KIAA1671: variants seen among roughly 807,000 people sequenced by gnomAD.
The protein encoded by KIAA1671 is KIAA1671.
A neutral mutation model predicts 131.2 loss-of-function variants in KIAA1671; 52 were observed. The ratio of observed to expected loss-of-function variants is 0.40; its 90% CI spans 0.32 to 0.50. The LOEUF (loss-of-function observed/expected upper bound fraction) is 0.50. Among genes scored for constraint, KIAA1671 ranks in the 20% least tolerant of loss-of-function variants. The probability of loss-of-function intolerance (pLI) is 0.73; values close to 1 mark genes in which losing one functional copy is unlikely to be tolerated. For missense variants in KIAA1671, 2,360 were observed against 2,364.2 expected, an observed-to-expected ratio of 1.00 and a Z score of 0.04; for synonymous variants, 1,003 against 961.6, an observed-to-expected ratio of 1.04 and a Z score of -0.80.
At chr22:25,129,278 G>A (rs760709486) in intron 6 of KIAA1671, among the ~76,000 whole-genome samples, 17 of 152,270 alleles carry the variant, frequency 1.1e-4, no homozygotes, top group South Asian at 4.2e-4. Flanking sequence ...CAGCACTTTG[G>A]GAGGCGGATC....
intron 6 of KIAA1671, among the ~76,000 whole-genome samples, chr22:25,147,093 G>C (rs1264774259): frequency 1.3e-5 from 2 of 152,152 alleles, no homozygotes; most frequent in Non-Finnish European, 2.9e-5. Flanking sequence ...CCCCTTCCTT[G>C]CTCCTTGATC....
At chr22:25,068,090 G>A (rs1928579037) in intron 6 of KIAA1671, among the ~76,000 whole-genome samples, 1 of 152,272 alleles carries the variant, frequency 6.6e-6, no homozygotes, top group African/African-American at 2.4e-5. Flanking sequence ...GCTGTCCTCT[G>A]ACTGGTACTG....
chr22:25,037,729 A>G (rs111276961), intron 4 of KIAA1671, among the ~76,000 whole-genome samples: 3 of 152,114 alleles, frequency 2.0e-5, no homozygotes, highest in African/African-American at 7.2e-5. Flanking sequence ...ATATTTATAT[A>G]TATGCTGTAT....
At chr22:25,181,622 T>A in intron 9 of KIAA1671, 77 bp from the exon 10 acceptor site, 1 of 1,519,834 alleles carries the variant, frequency 6.6e-7, no homozygotes, top group Non-Finnish European at 8.9e-7. Flanking sequence ...TGAGATACTG[T>A]GTGCAAATTA....
intron 5 of KIAA1671, 171 bp from the exon 6 acceptor site, chr22:25,049,059 C>G (rs1927393040): frequency 1.3e-6 from 1 of 787,092 alleles, no homozygotes; most frequent in Non-Finnish European, 1.9e-6. Context: ...CCACTGGAAC[C>G]CAGAGCTACC....
intron 6 of KIAA1671, among the ~76,000 whole-genome samples, chr22:25,152,140 C>T (rs1180302300): frequency 1.1e-4 from 16 of 152,190 alleles, no homozygotes; most frequent in Admixed American, 9.8e-4. Flanking sequence ...CACTTTATTT[C>T]GTCAGGCCCT....
At chr22:25,131,237 A>G (rs983527609) in intron 6 of KIAA1671, among the ~76,000 whole-genome samples, 1 of 152,198 alleles carries the variant, frequency 6.6e-6, no homozygotes, top group African/African-American at 2.4e-5. Flanking sequence ...GGCCATGCTC[A>G]GGGAACACAC....
chr22:25,076,525 T>A (rs983032042), intron 6 of KIAA1671, among the ~76,000 whole-genome samples: 2 of 152,180 alleles, frequency 1.3e-5, no homozygotes, highest in Non-Finnish European at 2.9e-5. Flanking sequence ...ACCATCAAGC[T>A]TGGTGCTGGT....
intron 4 of KIAA1671, among the ~76,000 whole-genome samples, chr22:25,034,166 C>T (rs1235233793): frequency 6.6e-6 from 1 of 151,906 alleles, no homozygotes. Flanking sequence ...CTGCCTCAGC[C>T]TCCCGAGTAG....
chr22:25,191,837 G>T (rs956538940), intron 12 of KIAA1671, among the ~76,000 whole-genome samples: 1 of 152,168 alleles, frequency 6.6e-6, no homozygotes, highest in African/African-American at 2.4e-5. Flanking sequence ...TCCTAAGTCA[G>T]TGGTAAAACC....
At chr22:25,017,606 CTTGAAATGG>C (rs1435612115) in intron 1 of KIAA1671, among the ~76,000 whole-genome samples, 1 of 152,196 alleles carries the variant, frequency 6.6e-6, no homozygotes, top group Admixed American at 6.5e-5. Flanking sequence ...GCATTGTGAA[CTTGAAATGG>C]TTGAAATAGT....
rs79711393 is a variant in KIAA1671, at chr22:24,953,973, C to T, written c.-208+1201C>T. On this transcript the variant is annotated intron_variant, in intron 1 of 12. Coordinates refer to ENST00000358431, the MANE Select transcript of KIAA1671 (RefSeq NM_001145206.2). ...GACCCTCTGGGCAAAATGGGCTTGG[C>T]CTAGGATGGATCGGAATGAAGGGTA... Among the ~76,000 whole-genome samples the T allele has an allele frequency of 4.3e-3, 654 of 152,148 alleles. 2 individuals carry two copies. The highest frequency in any genetic ancestry group is 0.015 in the African/African-American group (616 of 41,524).
intron 6 of KIAA1671, among the ~76,000 whole-genome samples, chr22:25,093,746 C>CTCTCTG (rs1930181221): frequency 8.2e-6 from 1 of 121,342 alleles, no homozygotes; most frequent in African/African-American, 3.5e-5. Context: ...CACTCTCTCT[C>CTCTCTG]TCTCTCTCTC....
In KIAA1671 at chr22:25,134,927, G is replaced by A. The variant is rs1034556478; in HGVS notation, c.4531-35893G>A. On this transcript the variant is annotated intron_variant, in intron 6 of 12. Transcript: ENST00000358431. ...ATACAGGTAAAGCACTTAGCACCAT[G>A]TCACGTAGCAGACACTCTATACATG... Among the ~76,000 whole-genome samples, 7 of 152,256 alleles carry A rather than the reference G, an allele frequency of 4.6e-5. No homozygotes were observed. The East Asian group carries it at 1.3e-3, about 29-fold the overall frequency.
chr22:24,962,096 T>C (rs7284872), intron 1 of KIAA1671, among the ~76,000 whole-genome samples: 2,366 of 152,156 alleles, frequency 0.016, 60 homozygotes, highest in African/African-American at 0.053. Flanking sequence ...TGAGGGATGA[T>C]TGTCTTGATG....
intron 6 of KIAA1671, chr22:25,062,742 G>A: frequency 6.6e-6 from 1 of 152,348 alleles, no homozygotes. Context: ...GGGCCAGGAG[G>A]GCAGTTGTTG....
chr22:24,959,447 TGGGAGGTGG>T (rs1921898754), intron 1 of KIAA1671, among the ~76,000 whole-genome samples: 1 of 152,048 alleles, frequency 6.6e-6, no homozygotes, highest in Non-Finnish European at 1.5e-5. Context: ...CACTTGAACC[TGGGAGGTGG>T]AGTTTGCAGT....
intron 6 of KIAA1671, among the ~76,000 whole-genome samples, chr22:25,104,772 A>G (rs1157486859): frequency 6.6e-6 from 1 of 151,066 alleles, no homozygotes; most frequent in Admixed American, 6.6e-5. Flanking sequence ...TCTTTCTTCC[A>G]CCAGACCAGG....
chr22:24,968,001 A>G (rs1433665984), intron 1 of KIAA1671, among the ~76,000 whole-genome samples: 2 of 152,036 alleles, frequency 1.3e-5, no homozygotes, highest in African/African-American at 4.8e-5. Context: ...TCAAAAGAAA[A>G]GAAAAAAAGA....
Sources: gnomAD v4.1 joint callset for allele counts (sites outside exome capture counted in the v4.1 genomes callset) on GRCh38, gnomAD v4.1.1 for gene constraint, MANE v1.5 for transcripts, NCBI Gene and HGNC (gene_info 2026-07-23, HGNC 2026-07-21) for gene names.